Variants in ST6GALNAC3 observed in about 807,000 individuals in gnomAD.
ST6GALNAC3 encodes ST6 N-acetylgalactosaminide alpha-2,6-sialyltransferase 3.
A neutral mutation model predicts 32.7 loss-of-function variants in ST6GALNAC3; 25 were observed. The ratio of observed to expected loss-of-function variants is 0.76; its 90% CI spans 0.56 to 1.07. The LOEUF (loss-of-function observed/expected upper bound fraction) is 1.07. Ranked by LOEUF, ST6GALNAC3 falls within the 50% of genes least tolerant of loss-of-function variation. ST6GALNAC3 has a pLI of 0.00. For missense variants in ST6GALNAC3, 355 were observed against 382.4 expected (o/e 0.93, Z 0.60); for synonymous variants, 129 against 133.1 (o/e 0.97, Z 0.21).
At chr1:76,563,833 G>C (rs550823375) in intron 3 of ST6GALNAC3, among the ~76,000 whole-genome samples, 2 of 152,248 alleles carry the variant, frequency 1.3e-5, no homozygotes, top group South Asian at 2.1e-4. Context: ...GCTCAGTGTA[G>C]GTTCTTTCTC....
intron 2 of ST6GALNAC3, among the ~76,000 whole-genome samples, chr1:76,324,301 G>T (rs559607596): frequency 2.0e-5 from 3 of 152,286 alleles, no homozygotes; most frequent in Admixed American, 1.3e-4. Flanking sequence ...TTAAATGTGG[G>T]TTTCTCCTAG....
chr1:76,144,976 G>A (rs1356428840), intron 1 of ST6GALNAC3, among the ~76,000 whole-genome samples: 1 of 152,146 alleles, frequency 6.6e-6, no homozygotes, highest in Non-Finnish European at 1.5e-5. Context: ...AAATAATAAT[G>A]CTTATCTTAA....
At chr1:76,354,447 G>C (rs1203573567) in intron 2 of ST6GALNAC3, among the ~76,000 whole-genome samples, 1 of 152,178 alleles carries the variant, frequency 6.6e-6, no homozygotes, top group South Asian at 2.1e-4. Flanking sequence ...AACAGCTCCT[G>C]TCCCACAGTA....
At chr1:76,274,932 A>G (rs1160458971) in intron 1 of ST6GALNAC3, among the ~76,000 whole-genome samples, 3 of 152,184 alleles carry the variant, frequency 2.0e-5, no homozygotes, top group Admixed American at 1.3e-4. Flanking sequence ...TAGAAGTTGG[A>G]AAAATGTCAC....
chr1:76,343,256 T>C (rs995822450), intron 2 of ST6GALNAC3, among the ~76,000 whole-genome samples: 2 of 152,230 alleles, frequency 1.3e-5, no homozygotes, highest in African/African-American at 4.8e-5. Context: ...AATGTGTACA[T>C]GTTATTGTCT....
At chr1:76,228,157 G>T (rs2100628232) in intron 1 of ST6GALNAC3, among the ~76,000 whole-genome samples, 1 of 152,302 alleles carries the variant, frequency 6.6e-6, no homozygotes, top group Non-Finnish European at 1.5e-5. Flanking sequence ...ATTGAAATAT[G>T]AAATAGACCA....
intron 1 of ST6GALNAC3, among the ~76,000 whole-genome samples, chr1:76,259,800 T>G (rs1198905717): frequency 6.6e-6 from 1 of 152,104 alleles, no homozygotes; most frequent in Non-Finnish European, 1.5e-5. Flanking sequence ...CTTGTATTTA[T>G]TTTCTTTGGT....
At chr1:76,342,797 A>G (rs1012080356) in intron 2 of ST6GALNAC3, among the ~76,000 whole-genome samples, 2 of 150,664 alleles carry the variant, frequency 1.3e-5, no homozygotes, top group Admixed American at 1.3e-4. Flanking sequence ...GTCTCATTGT[A>G]GTTTTGATTT....
At chr1:76,315,028 C>T (rs931696725) in intron 2 of ST6GALNAC3, among the ~76,000 whole-genome samples, 4 of 151,854 alleles carry the variant, frequency 2.6e-5, no homozygotes, top group African/African-American at 7.3e-5. Context: ...TTTGATTCTT[C>T]GAAAATTGTT....
At chr1:76,208,002 G>C (rs925755087) in intron 1 of ST6GALNAC3, among the ~76,000 whole-genome samples, 1 of 151,850 alleles carries the variant, frequency 6.6e-6, no homozygotes, top group Non-Finnish European at 1.5e-5. Context: ...TTCAGGGGGG[G>C]CCTGCATTAG....
chr1:76,216,068 C>G (rs2100588813), intron 1 of ST6GALNAC3, among the ~76,000 whole-genome samples: 2 of 152,306 alleles, frequency 1.3e-5, no homozygotes, highest in Middle Eastern at 6.8e-3. Flanking sequence ...CTTGGCCACA[C>G]TGGTCTCATA....
At chr1:76,093,435 A>G (rs1647077642) in intron 1 of ST6GALNAC3, among the ~76,000 whole-genome samples, 2 of 152,218 alleles carry the variant, frequency 1.3e-5, no homozygotes, top group South Asian at 2.1e-4. Flanking sequence ...TCCATGATCT[A>G]TGGCTAGAGC....
chr1:76,541,405 T>A (rs936867528), intron 3 of ST6GALNAC3, among the ~76,000 whole-genome samples: 3 of 152,210 alleles, frequency 2.0e-5, no homozygotes, highest in African/African-American at 7.2e-5. Context: ...AAGTATCTGA[T>A]CTTTCCCGCA....
At chr1:76,395,317 A>G (rs1022762182) in intron 2 of ST6GALNAC3, among the ~76,000 whole-genome samples, 14 of 152,200 alleles carry the variant, frequency 9.2e-5, no homozygotes, top group Admixed American at 7.9e-4. Context: ...TGCCCTGTCA[A>G]CCTGAGCTCT....
intron 1 of ST6GALNAC3, among the ~76,000 whole-genome samples, chr1:76,248,058 C>T (rs72998539): frequency 0.032 from 4,891 of 152,038 alleles, 175 homozygotes; most frequent in African/African-American, 0.09. Flanking sequence ...CTTGGCTGGG[C>T]GAGGGAGGTC....
chr1:76,104,300 A>G (rs1647372123), intron 1 of ST6GALNAC3, among the ~76,000 whole-genome samples: 2 of 152,226 alleles, frequency 1.3e-5, no homozygotes. Context: ...TTGCTTCTGC[A>G]AGCACTTGGG....
chr1:76,252,922 CT>C (rs1409640231), intron 1 of ST6GALNAC3, among the ~76,000 whole-genome samples: 4 of 152,088 alleles, frequency 2.6e-5, no homozygotes, highest in Non-Finnish European at 5.9e-5. Flanking sequence ...AAATCACTGT[CT>C]ATTATCATGA....
chr1:76,096,156 G>T (rs1379143320), intron 1 of ST6GALNAC3, among the ~76,000 whole-genome samples: 2 of 152,178 alleles, frequency 1.3e-5, no homozygotes, highest in African/African-American at 4.8e-5. Flanking sequence ...TATTAAGTTT[G>T]CGGGGAGATG....
At chr1:76,216,178 CTCA>C (rs1257366766) in intron 1 of ST6GALNAC3, among the ~76,000 whole-genome samples, 2 of 152,158 alleles carry the variant, frequency 1.3e-5, no homozygotes, top group Non-Finnish European at 2.9e-5. Flanking sequence ...ACAATTTCCT[CTCA>C]TGTTTTTGCT....
Sources: allele counts gnomAD v4.1 joint callset (sites outside exome capture counted in the v4.1 genomes callset), GRCh38; gene constraint gnomAD v4.1.1; transcripts MANE v1.5; gene names NCBI Gene and HGNC (gene_info 2026-07-23, HGNC 2026-07-21).